The following EIF5B variants were observed in gnomAD, a reference collection of about 807,000 sequenced individuals.
EIF5B encodes eIF-5B.
A neutral mutation model predicts 147.5 loss-of-function variants in EIF5B; 47 were observed. The observed-to-expected ratio is 0.32, with a 90% CI of 0.25 to 0.41. The LOEUF (loss-of-function observed/expected upper bound fraction) is 0.41, where lower values mean the gene tolerates loss of function less well. Among genes scored for constraint, EIF5B ranks in the 10% least tolerant of loss-of-function variants. EIF5B has a pLI of 1.00. For missense variants in EIF5B, 1,064 were observed against 1,413.2 expected (o/e 0.75, Z 3.96); for synonymous variants, 455 against 456.2 (o/e 1.00, Z 0.03).
chr2:99,353,005 C>CTTCTTTTTTTTTT (rs1674009425), intron 1 of EIF5B, among the ~76,000 whole-genome samples: 2 of 62,856 alleles, frequency 3.2e-5, no homozygotes, highest in East Asian at 6.1e-4. Flanking sequence ...TCTTCTTCTT[C>CTTCTTTTTTTTTT]TTTTTTTTTT....
chr2:99,346,774 G>A (rs775916034), intron 1 of EIF5B, among the ~76,000 whole-genome samples: 5 of 151,218 alleles, frequency 3.3e-5, no homozygotes, highest in South Asian at 4.2e-4. Flanking sequence ...GTTTCATCGC[G>A]TTAGCCAGGA....
In EIF5B at chr2:99,360,151, A is replaced by G. The variant is rs1226178689; in HGVS notation, c.36-85A>G. 3 of 1,468,338 alleles carry G rather than the reference A, an allele frequency of 2.0e-6. No individual in the cohort carries two copies. In the African/African-American group the frequency reaches 4.3e-5, roughly 21 times the overall value. 91.0% of individuals were successfully genotyped at this position (1,468,338 alleles called of 1,614,324 possible). A position where few individuals can be genotyped will look rare whatever the true frequency, so the allele number is the denominator to read the frequency against. ...TTCTCATTGTGCTGCTAATGCATGAAAAAGGTTAAAATGATAAAATCTATA... is the reference window on the plus strand; with the variant it reads ...TTCTCATTGTGCTGCTAATGCATGAGAAAGGTTAAAATGATAAAATCTATA... On this transcript the variant is annotated intron_variant, in intron 1 of 23. Coordinates refer to ENST00000289371, the MANE Select transcript of EIF5B (RefSeq NM_015904.4).
At chr2:99,340,740 G>C (rs1454203849) in intron 1 of EIF5B, 1 of 151,484 alleles carries the variant, frequency 6.6e-6, no homozygotes, top group Non-Finnish European at 1.5e-5. Flanking sequence ...TAAAGACCAA[G>C]TTCTAGAATT....
intron 8 of EIF5B, 103 bp from the exon 9 acceptor site, chr2:99,371,553 A>T: frequency 2.2e-6 from 2 of 903,366 alleles, no homozygotes; most frequent in Non-Finnish European, 3.3e-6. Context: ...ACATAATTAA[A>T]ACATTCTTTT....
At chr2:99,396,282 C>A (rs529219108) in intron 21 of EIF5B, among the ~76,000 whole-genome samples, 57 of 152,220 alleles carry the variant, frequency 3.7e-4, no homozygotes, top group South Asian at 2.7e-3. Context: ...TATGTAGTGG[C>A]CTTTTGGATC....
At chr2:99,349,960 A>C (rs1330193341) in intron 1 of EIF5B, among the ~76,000 whole-genome samples, 1 of 152,176 alleles carries the variant, frequency 6.6e-6, no homozygotes, top group Non-Finnish European at 1.5e-5. Context: ...TACTCTTCCC[A>C]GCATCTGGTA....
intron 1 of EIF5B, chr2:99,340,813 C>T (rs568050577): frequency 2.6e-5 from 4 of 151,788 alleles, no homozygotes; most frequent in Admixed American, 6.6e-5. Flanking sequence ...TCTGTCACCC[C>T]GGGTGGAGTA....
At chr2:99,396,656 A>G in intron 21 of EIF5B, 104 bp from the exon 22 acceptor site, 1 of 1,415,634 alleles carries the variant, frequency 7.1e-7, no homozygotes, top group Non-Finnish European at 9.4e-7. Context: ...CGCTGGGGAA[A>G]GCTGCTTTCC....
intron 1 of EIF5B, among the ~76,000 whole-genome samples, chr2:99,345,591 C>CAA (rs34437423): frequency 6.3e-4 from 21 of 33,174 alleles, no homozygotes; most frequent in South Asian, 1.1e-3. Context: ...GAGACTGTCT[C>CAA]AAAAAAAAAA....
At chr2:99,356,980 G>A (rs527796268) in intron 1 of EIF5B, among the ~76,000 whole-genome samples, 20 of 152,224 alleles carry the variant, frequency 1.3e-4, no homozygotes, top group South Asian at 1.2e-3. Flanking sequence ...GTGTATTTGG[G>A]ATACAGGTCT....
intron 1 of EIF5B, among the ~76,000 whole-genome samples, chr2:99,343,270 AT>A (rs959881887): frequency 5.3e-5 from 8 of 150,032 alleles, no homozygotes; most frequent in African/African-American, 1.7e-4. Flanking sequence ...TTGTATTTTT[AT>A]TGTTGGGTTG....
chr2:99,362,897 T>C (rs1674249426), intron 4 of EIF5B, among the ~76,000 whole-genome samples: 1 of 151,160 alleles, frequency 6.6e-6, no homozygotes, highest in African/African-American at 2.4e-5. Context: ...TAGCTGGGAT[T>C]ACAGGAGCCC....
chr2:99,399,047 C>CTAGCTG (rs1675135157), intron 23 of EIF5B, 138 bp downstream of exon 23: 3 of 1,045,200 alleles, frequency 2.9e-6, no homozygotes, highest in Non-Finnish European at 4.1e-6. Context: ...GGCTTGACCT[C>CTAGCTG]TAGCTGGGCC....
At position 99,394,513 on chromosome 2, in the gene EIF5B, C is replaced by G; in HGVS notation, c.3017C>G (p.Ala1006Gly). 6.2e-7 allele frequency: 1 copy of G among 1,613,822 alleles called. No homozygotes were observed. Among genetic ancestry groups the G allele is most frequent in the Non-Finnish European group, 8.5e-7 (1 of 1,179,946 alleles). The part of the protein sequence containing the change: ...EFLKTSEVPY[A>G]GINIGPVHKK... ...TGGAAACTCCCATTTTTTCAGTATG[C>G]AGGAATTAACATTGGCCCAGTGCAT... The change falls in exon 20 of 24, where the codon GCA becomes GGA. Residue 1006 changes from alanine to glycine, a missense_variant. By Grantham distance (60) the Ala-to-Gly change is moderately conservative. Coordinates refer to ENST00000289371, the MANE Select transcript of EIF5B (RefSeq NM_015904.4).
intron 1 of EIF5B, among the ~76,000 whole-genome samples, chr2:99,347,391 C>T (rs1452925968): frequency 6.6e-6 from 1 of 152,150 alleles, no homozygotes; most frequent in Non-Finnish European, 1.5e-5. Context: ...GATGATGCCA[C>T]GTTGTTGAAT....
At chr2:99,358,943 GGGTTTACT>G (rs1048418098) in intron 1 of EIF5B, among the ~76,000 whole-genome samples, 1 of 152,056 alleles carries the variant, frequency 6.6e-6, no homozygotes, top group African/African-American at 2.4e-5. Context: ...TTGCAATTTG[GGGTTTACT>G]GGTTTGCTGT....
intron 1 of EIF5B, among the ~76,000 whole-genome samples, chr2:99,359,304 G>T (rs1164999542): frequency 6.6e-6 from 1 of 152,012 alleles, no homozygotes; most frequent in East Asian, 1.9e-4. Context: ...AGGAGGTGGA[G>T]GTTGCAGTGA....
chr2:99,379,502 A>C (rs2104223535), intron 12 of EIF5B, 74 bp downstream of exon 12: 2 of 1,167,622 alleles, frequency 1.7e-6, no homozygotes, highest in Non-Finnish European at 2.4e-6. Context: ...ACATAGAAAA[A>C]GGACAGAGAC....
intron 7 of EIF5B, among the ~76,000 whole-genome samples, chr2:99,368,951 A>G (rs1221940928): frequency 6.6e-6 from 1 of 152,238 alleles, no homozygotes; most frequent in Non-Finnish European, 1.5e-5. Context: ...ATATGACTAT[A>G]TTTAAACATT....
Sources: gnomAD v4.1 joint callset for allele counts (sites outside exome capture counted in the v4.1 genomes callset) on GRCh38, gnomAD v4.1.1 for gene constraint, MANE v1.5 for transcripts, NCBI Gene and HGNC (gene_info 2026-07-23, HGNC 2026-07-21) for gene names.